Variants in PHF8 observed in about 807,000 individuals in gnomAD.
The protein encoded by PHF8 is histone lysine demethylase PHF8.
A neutral mutation model predicts 74.4 loss-of-function variants in PHF8; 9 were observed. The observed-to-expected ratio is 0.12, with a 90% confidence interval of 0.07 to 0.21. PHF8 has a LOEUF of 0.21. PHF8 is among the 10% of genes least tolerant of loss of function. The pLI, the probability that PHF8 is intolerant of heterozygous loss-of-function variation, is 1.00. For missense variants in PHF8, 478 were observed against 816.6 expected (o/e 0.59, Z 5.05); for synonymous variants, 311 against 316.6 (o/e 0.98, Z 0.19).
At chrX:53,973,862 A>G (rs1452820203) in intron 18 of PHF8, among the ~76,000 whole-genome samples, 1 of 111,963 alleles carries the variant, frequency 8.9e-6, no homozygotes, top group Non-Finnish European at 1.9e-5. Flanking sequence ...CAGACAACCT[A>G]CAGAATGGGA....
intron 17 of PHF8, among the ~76,000 whole-genome samples, chrX:53,985,563 C>A: frequency 1.8e-5 from 2 of 111,444 alleles, no homozygotes; most frequent in Non-Finnish European, 3.8e-5. Context: ...ACTCTTCCAG[C>A]CCCTCTTCCC....
chrX:53,999,891 A>G lies in PHF8; in HGVS notation c.1212T>C (p.Phe404=). Residue 404 remains phenylalanine, a synonymous_variant, in exon 11 of 22, where the codon TTT becomes TTC. Transcript: ENST00000338154. ...VHGGKALNLA[F]RAWTRKEALP... Reference sequence around the variant, plus strand: ...TTACTTCTTTCCTTGTCCAGGCTCTAAAGGCCAAGTTCAAGGCTTTGCCAC... The same window carrying G: ...TTACTTCTTTCCTTGTCCAGGCTCTGAAGGCCAAGTTCAAGGCTTTGCCAC... 8.4e-7 allele frequency: 1 copy of G among 1,195,738 alleles called. No individual in the cohort carries two copies. The highest frequency in any genetic ancestry group is 1.1e-6 in the Non-Finnish European group (1 of 881,179).
intron 14 of PHF8, among the ~76,000 whole-genome samples, chrX:53,990,564 G>C (rs781886706): frequency 2.7e-5 from 3 of 111,150 alleles, no homozygotes; most frequent in African/African-American, 6.5e-5. Flanking sequence ...AATATTCAAC[G>C]GTCTCTCTAA....
At chrX:54,044,768 C>T (rs1384865183), upstream of PHF8, 2 of 628,232 alleles carry the variant, frequency 3.2e-6, no homozygotes, top group African/African-American at 4.5e-5. Context: ...TCCTCCTCCC[C>T]AGCCTTCTCC....
intron 11 of PHF8, among the ~76,000 whole-genome samples, chrX:53,996,014 C>T (rs1557102766): frequency 9.0e-6 from 1 of 111,359 alleles, no homozygotes; most frequent in Middle Eastern, 4.2e-3. Flanking sequence ...AAATGTAAAA[C>T]CTAAAACTAT....
At chrX:53,971,627 C>T (rs2065292364) in intron 18 of PHF8, among the ~76,000 whole-genome samples, 1 of 111,592 alleles carries the variant, frequency 9.0e-6, no homozygotes, top group Non-Finnish European at 1.9e-5. Flanking sequence ...CAAACAGACA[C>T]AACCAGAAAT....
intron 8 of PHF8, 108 bp downstream of exon 8, chrX:54,011,014 G>C (rs1557106606): frequency 1.4e-4 from 102 of 718,878 alleles, no homozygotes; most frequent in Non-Finnish European, 6.6e-6. Context: ...GCCTTTCGCT[G>C]ATATGAGAAA....
chrX:54,030,614 C>A (rs1285930278), intron 2 of PHF8, among the ~76,000 whole-genome samples: 1 of 112,088 alleles, frequency 8.9e-6, no homozygotes, highest in African/African-American at 3.2e-5. Flanking sequence ...AGCAAGGTAA[C>A]AGGATAGTGA....
At chrX:53,966,542 T>C (rs1329341281) in intron 18 of PHF8, among the ~76,000 whole-genome samples, 1 of 112,226 alleles carries the variant, frequency 8.9e-6, no homozygotes, top group African/African-American at 3.2e-5. Flanking sequence ...TGCTCAATGG[T>C]GCCCAGGCTG....
chrX:54,037,425 C>G (rs2066482917), intron 2 of PHF8, among the ~76,000 whole-genome samples: 1 of 110,995 alleles, frequency 9.0e-6, no homozygotes, highest in Non-Finnish European at 1.9e-5. Flanking sequence ...TTTTGTATTT[C>G]TTGTAGAGAC....
rs1055250062 is a variant in PHF8 at position 53,937,046 on chromosome X, C to T, written c.*2112G>A. 3 of 110,430 alleles carry T rather than the reference C, an allele frequency of 2.7e-5. No individual in the cohort carries two copies. Among genetic ancestry groups the T allele is most frequent in the African/African-American group, 9.9e-5 (3 of 30,198 alleles). The allele number at this position is 110,430 out of a possible 1,213,427, so 9.1% of individuals were successfully genotyped here. A position where few individuals can be genotyped will look rare whatever the true frequency, so the allele number is the denominator to read the frequency against. ...TTCTAAACCTTGATTACTAACACTC[C>T]CAACCCCTCCCCAACTCACTTCACT... is the stretch of plus-strand genomic sequence containing the variant. On this transcript the variant is annotated 3_prime_UTR_variant, in exon 22 of 22. Coordinates refer to ENST00000338154, the MANE Select transcript of PHF8 (RefSeq NM_015107.3).
At chrX:54,011,035 G>T (rs1451376156) in intron 8 of PHF8, 87 bp downstream of exon 8, 2 of 824,153 alleles carry the variant, frequency 2.4e-6, no homozygotes, top group Non-Finnish European at 3.7e-6. Context: ...GACATCCCAC[G>T]TAATCAGATT....
rs1301755752 is a variant in PHF8 at position 53,987,284 on chromosome X, G to A, written c.1910-121C>T. On this transcript the variant is annotated intron_variant, in intron 15 of 21. Coordinates refer to ENST00000338154, the MANE Select transcript of PHF8 (RefSeq NM_015107.3). ...ATGACCACAGATGACTAATTTAGAG[G>A]TTAGGGATCAGGTGATAAATAAATC... The A allele has an allele frequency of 8.0e-6, 4 of 499,573 alleles. No individual in the cohort carries two copies. The South Asian group carries it at 8.6e-5, about 11-fold the overall frequency. The allele number at this position is 499,573 out of a possible 1,213,427, so 41.2% of individuals were successfully genotyped here.
intron 2 of PHF8, among the ~76,000 whole-genome samples, chrX:54,037,392 C>G (rs1557114708): frequency 9.0e-6 from 1 of 111,376 alleles, no homozygotes; most frequent in African/African-American, 3.3e-5. Context: ...GGACTATAAG[C>G]ATGTGCCACC....
intron 18 of PHF8, among the ~76,000 whole-genome samples, chrX:53,978,858 T>A (rs782108976): frequency 9.4e-6 from 1 of 106,414 alleles, no homozygotes; most frequent in African/African-American, 3.4e-5. Flanking sequence ...AAATATTACA[T>A]ACTGCATAAT....
At chrX:53,999,585 G>A (rs1557103760) in intron 11 of PHF8, 2 of 298,474 alleles carry the variant, frequency 6.7e-6, no homozygotes, top group Non-Finnish European at 1.2e-5. Flanking sequence ...ATGTACACAA[G>A]TGTTAATAGC....
chrX:53,941,670 G>A (rs1326678869), intron 20 of PHF8, among the ~76,000 whole-genome samples: 5 of 111,958 alleles, frequency 4.5e-5, no homozygotes, highest in Admixed American at 9.5e-5. Context: ...TCCTGCCTTC[G>A]GAAGATCTCA....
chrX:53,984,088 G>A (rs1215905665), intron 18 of PHF8, among the ~76,000 whole-genome samples: 2 of 112,416 alleles, frequency 1.8e-5, no homozygotes, highest in Non-Finnish European at 3.8e-5. Flanking sequence ...ATGGCCGGGC[G>A]CGATGGCTCA....
chrX:53,993,992 G>C, intron 12 of PHF8, 89 bp from the exon 13 acceptor site: 1 of 663,605 alleles, frequency 1.5e-6, no homozygotes, highest in East Asian at 3.5e-5. Flanking sequence ...GGTACTGGTG[G>C]TACTGCCATG....
Sources: allele counts gnomAD v4.1 joint callset (sites outside exome capture counted in the v4.1 genomes callset), GRCh38; gene constraint gnomAD v4.1.1; transcripts MANE v1.5; gene names NCBI Gene and HGNC (gene_info 2026-07-23, HGNC 2026-07-21).